Variants in CASD1 observed in about 807,000 individuals in gnomAD.
CASD1 encodes N-acetylneuraminate (7)9-O-acetyltransferase.
A neutral mutation model predicts 100.0 loss-of-function variants in CASD1; 41 were observed. The ratio of observed to expected loss-of-function variants is 0.41; its 90% CI spans 0.32 to 0.53. The LOEUF is 0.53. Ranked by LOEUF, CASD1 falls within the 20% of genes least tolerant of loss-of-function variation. CASD1 has a pLI of 0.25. For synonymous variants in CASD1, 321 were observed against 315.6 expected, an observed-to-expected ratio of 1.02 and a Z score of -0.18; for missense variants, 774 against 948.7, an observed-to-expected ratio of 0.82 and a Z score of 2.42.
In CASD1 at chr7:94,533,188, G is replaced by T. The variant is rs764198964; in HGVS notation, c.460-17G>T. The T allele has an allele frequency of 6.3e-7, 1 of 1,595,542 alleles. No individual in the cohort carries two copies. Among genetic ancestry groups the T allele is most frequent in the East Asian group, 2.2e-5 (1 of 44,608 alleles). On this transcript the variant is annotated splice_polypyrimidine_tract_variant and intron_variant, in intron 5 of 17. Transcript: ENST00000297273. Reference sequence around the variant, plus strand: ...GAACTGATTATAATACTATGATAAAGATTTGTCTTCCTTTAGGATTCCATT... The same window carrying T: ...GAACTGATTATAATACTATGATAAATATTTGTCTTCCTTTAGGATTCCATT...
chr7:94,585,454 A>G, the CASD1 span: 4 of 1,565,966 alleles, frequency 2.6e-6, no homozygotes, highest in Non-Finnish European at 2.6e-6. Context: ...TGTAACTGCT[A>G]TATTGTCTGA....
In CASD1 at chr7:94,548,391, TTTATC is replaced by T. The variant is rs563354717; in HGVS notation, c.1714-1140_1714-1136del. ...ATGTATGATCCATAAAATCATATAT[TTTATC>T]TGAGAGGTACATACCTAGTGAATAT... On this transcript the variant is annotated intron_variant, in intron 13 of 17. Coordinates refer to ENST00000297273, the MANE Select transcript of CASD1 (RefSeq NM_022900.5). 5.4e-3 allele frequency among the ~76,000 whole-genome samples: 825 copies of T among 151,870 alleles called. 2 individuals are homozygous for T. The highest frequency in any genetic ancestry group is 8.5e-3 in the Non-Finnish European group (577 of 67,774).
the CASD1 span, among the ~76,000 whole-genome samples, chr7:94,565,384 A>G: frequency 0.27 from 40,677 of 151,890 alleles, 8,499 homozygotes; most frequent in African/African-American, 0.58. Flanking sequence ...TCCTGAACTT[A>G]CCACCCACTG....
chr7:94,510,106 C>G lies in CASD1; in HGVS notation c.22C>G (p.Leu8Val). 1.3e-6 allele frequency: 2 copies of G among 1,529,716 alleles called. No individual in the cohort carries two copies. 94.8% of individuals were successfully genotyped at this position (1,529,716 alleles called of 1,614,324 possible). The change falls in exon 1 of 18, where the codon CTG becomes GTG. Residue 8 changes from leucine to valine, a missense_variant. This residue lies in a region of CASD1 where 75 missense variants were observed against 60.9 expected (regional missense o/e 1.23). Coordinates refer to ENST00000297273, the MANE Select transcript of CASD1 (RefSeq NM_022900.5). ...CAAGATGGCGGCTCTGGCCTACAACCTGGGCAAGCGGGAGATCAACCACTA... is the reference window on the plus strand; with the variant it reads ...CAAGATGGCGGCTCTGGCCTACAACGTGGGCAAGCGGGAGATCAACCACTA... MAALAYNLGKREINHYFS... is the reference protein window; with the variant it reads MAALAYNVGKREINHYFS...
the CASD1 span, chr7:94,588,585 C>G: frequency 1.7e-5 from 27 of 1,550,486 alleles, no homozygotes; most frequent in Non-Finnish European, 2.3e-5. Flanking sequence ...AGTGTTTTGC[C>G]TTATTTGGTG....
chr7:94,511,503 C>T (rs1238728051), intron 1 of CASD1, among the ~76,000 whole-genome samples: 1 of 151,826 alleles, frequency 6.6e-6, no homozygotes, highest in Non-Finnish European at 1.5e-5. Context: ...ACCTTTTGGC[C>T]TCTCTCCAGC....
chr7:94,568,539 C>T, the CASD1 span, among the ~76,000 whole-genome samples: 9 of 152,058 alleles, frequency 5.9e-5, no homozygotes, highest in Non-Finnish European at 1.3e-4. Flanking sequence ...TGAGAAAAGG[C>T]ATTTGTATCT....
chr7:94,569,640 A>G, the CASD1 span, among the ~76,000 whole-genome samples: 2 of 151,698 alleles, frequency 1.3e-5, no homozygotes, highest in South Asian at 2.1e-4. Flanking sequence ...ATAGGAGTCT[A>G]TCTATGTTGT....
chr7:94,597,259 C>G, the CASD1 span: 1 of 152,186 alleles, frequency 6.6e-6, no homozygotes, highest in African/African-American at 2.4e-5. Flanking sequence ...TACTTACACT[C>G]TCATACACAC....
At chr7:94,537,922 GT>G (rs770552154) in intron 9 of CASD1, 28 bp downstream of exon 9, 28 of 1,248,934 alleles carry the variant, frequency 2.2e-5, no homozygotes, top group Non-Finnish European at 2.9e-5. Flanking sequence ...TTTAACTCAT[GT>G]TACCCTTCTT....
At chr7:94,599,900 G>A in the CASD1 span, 714 of 520,258 alleles carry the variant, frequency 1.4e-3, 15 homozygotes, top group South Asian at 0.021. Context: ...CACATACAGC[G>A]ATGGAATACT....
At chr7:94,525,216 G>T (rs1794500425) in intron 3 of CASD1, among the ~76,000 whole-genome samples, 1 of 152,142 alleles carries the variant, frequency 6.6e-6, no homozygotes, top group South Asian at 2.1e-4. Flanking sequence ...AATTCTGTCA[G>T]CTTTGCTATA....
intron 7 of CASD1, 127 bp from the exon 8 acceptor site, chr7:94,535,182 A>G: frequency 1.5e-6 from 1 of 661,668 alleles, no homozygotes; most frequent in Non-Finnish European, 2.6e-6. Flanking sequence ...ATGAACTATT[A>G]GGTACCTGGT....
intron 3 of CASD1, among the ~76,000 whole-genome samples, chr7:94,525,951 G>A (rs967660243): frequency 4.6e-5 from 7 of 152,106 alleles, no homozygotes; most frequent in Admixed American, 3.3e-4. Context: ...TCCCACCTAC[G>A]ATTTCTATTT....
At chr7:94,572,538 G>A in the CASD1 span, among the ~76,000 whole-genome samples, 1 of 152,132 alleles carries the variant, frequency 6.6e-6, no homozygotes, top group Non-Finnish European at 1.5e-5. Context: ...TTTGAAAAGT[G>A]TCAATTTATA....
downstream of CASD1, among the ~76,000 whole-genome samples, chr7:94,558,474 A>G (rs1035282042): frequency 6.6e-6 from 1 of 152,178 alleles, no homozygotes; most frequent in Non-Finnish European, 1.5e-5. Flanking sequence ...TTCAAGAGAA[A>G]AATTACCTTT....
At chr7:94,587,659 T>C in the CASD1 span, 1 of 1,502,000 alleles carries the variant, frequency 6.7e-7, no homozygotes, top group Non-Finnish European at 8.8e-7. Context: ...CATCAATATA[T>C]TGAACAGTCT....
At chr7:94,608,285 G>A in the CASD1 span, among the ~76,000 whole-genome samples, 15 of 152,130 alleles carry the variant, frequency 9.9e-5, no homozygotes, top group Admixed American at 5.9e-4. Context: ...GCAGTGAGCC[G>A]AGATTGTGCC....
At chr7:94,619,055 C>A in the CASD1 span, 11 of 854,270 alleles carry the variant, frequency 1.3e-5, no homozygotes, top group Non-Finnish European at 2.2e-5. Context: ...CTGTCATAAT[C>A]CTGGCAGCAG....
Sources: allele counts gnomAD v4.1 joint callset (sites outside exome capture counted in the v4.1 genomes callset), GRCh38; gene constraint gnomAD v4.1.1; regional missense constraint gnomAD v4.1.1; transcripts MANE v1.5; gene names NCBI Gene and HGNC (gene_info 2026-07-23, HGNC 2026-07-21).